The following CDH12 variants were observed in gnomAD, a reference collection of about 807,000 sequenced individuals.
CDH12 encodes the protein cadherin 12, also known as cadherin-12.
In CDH12, 41 loss-of-function variants were observed where a neutral mutation model predicts 74.1. The observed-to-expected ratio is 0.55, with a 90% CI of 0.43 to 0.72. CDH12 has a LOEUF of 0.72. Among genes scored for constraint, CDH12 ranks in the 30% least tolerant of loss-of-function variants. The pLI is 0.00. For missense variants in CDH12, 945 were observed against 977.2 expected (o/e 0.97, Z 0.44); for synonymous variants, 399 against 355.0 (o/e 1.12, Z -1.39).
At chr5:22,590,136 A>T (rs1422149856) in intron 1 of CDH12, among the ~76,000 whole-genome samples, 1 of 152,142 alleles carries the variant, frequency 6.6e-6, no homozygotes. Flanking sequence ...CCCCTTTTGG[A>T]TAATGTACCT....
intron 11 of CDH12, among the ~76,000 whole-genome samples, chr5:21,773,892 G>T (rs1221736326): frequency 1.3e-5 from 2 of 151,962 alleles, no homozygotes; most frequent in African/African-American, 4.8e-5. Flanking sequence ...TTATATAATA[G>T]CATTTAGGTT....
intron 3 of CDH12, among the ~76,000 whole-genome samples, chr5:22,389,669 G>A (rs1159649212): frequency 7.8e-6 from 1 of 128,960 alleles, no homozygotes; most frequent in Non-Finnish European, 1.6e-5. Flanking sequence ...TTTTTTTTGA[G>A]ACAGAGTCTC....
intron 3 of CDH12, among the ~76,000 whole-genome samples, chr5:22,236,446 C>CA (rs1752561073): frequency 1.3e-5 from 2 of 151,940 alleles, no homozygotes; most frequent in African/African-American, 4.8e-5. Context: ...AGAACTAAAA[C>CA]ACAAGGCCAG....
At chr5:22,321,998 C>G (rs909586680) in intron 3 of CDH12, among the ~76,000 whole-genome samples, 1 of 152,174 alleles carries the variant, frequency 6.6e-6, no homozygotes, top group East Asian at 1.9e-4. Context: ...TCATAAATAG[C>G]AAATTCGTTA....
chr5:22,419,317 C>T lies in CDH12; in HGVS notation c.-427-13966G>A, dbSNP rs776045575. Among the ~76,000 whole-genome samples the T allele has an allele frequency of 6.6e-5, 10 of 152,230 alleles. No individual in the cohort carries two copies. The East Asian group carries it at 1.4e-3, about 21-fold the overall frequency. The stretch of plus-strand genomic sequence containing the variant: ...GATGATCTCCCTTCCCCTGCACCCC[C>T]TGACAGGCCCCAGTGTGTGTTGTTC... On this transcript the variant is annotated intron_variant, in intron 2 of 14. Coordinates refer to ENST00000382254, the MANE Select transcript of CDH12 (RefSeq NM_004061.5).
At chr5:22,118,584 A>T (rs1745309832) in intron 4 of CDH12, among the ~76,000 whole-genome samples, 1 of 152,010 alleles carries the variant, frequency 6.6e-6, no homozygotes, top group Non-Finnish European at 1.5e-5. Context: ...TGTGAAAGGT[A>T]TATACCTTTC....
intron 1 of CDH12, among the ~76,000 whole-genome samples, chr5:22,746,177 A>G (rs1745288124): frequency 6.6e-6 from 1 of 152,224 alleles, no homozygotes. Context: ...TAGAAGTTGT[A>G]TCTCTGCTGA....
intron 4 of CDH12, among the ~76,000 whole-genome samples, chr5:22,210,698 C>G (rs1443936504): frequency 6.6e-6 from 1 of 151,866 alleles, no homozygotes; most frequent in Admixed American, 6.6e-5. Flanking sequence ...CAAAAAAGTT[C>G]ATTGGGTCTG....
chr5:22,384,194 A>G (rs1741888797), intron 3 of CDH12, among the ~76,000 whole-genome samples: 1 of 152,102 alleles, frequency 6.6e-6, no homozygotes, highest in Admixed American at 6.6e-5. Context: ...TAGTGCATCT[A>G]TCTAGCCTAG....
intron 1 of CDH12, among the ~76,000 whole-genome samples, chr5:22,557,890 C>T (rs1216676651): frequency 1.3e-5 from 2 of 151,916 alleles, no homozygotes; most frequent in African/African-American, 2.4e-5. Flanking sequence ...GAATGTGTAA[C>T]GTTTTATTAT....
At chr5:22,631,652 A>G (rs1276673063) in intron 1 of CDH12, among the ~76,000 whole-genome samples, 1 of 152,146 alleles carries the variant, frequency 6.6e-6, no homozygotes, top group Non-Finnish European at 1.5e-5. Flanking sequence ...GAGACTGGGT[A>G]ACTTATAAAA....
At chr5:22,183,550 G>A (rs1168388814) in intron 4 of CDH12, among the ~76,000 whole-genome samples, 7 of 152,120 alleles carry the variant, frequency 4.6e-5, no homozygotes, top group Admixed American at 6.5e-5. Flanking sequence ...AAGAAAGCAC[G>A]TGGAAACGGG....
At chr5:22,679,750 A>G (rs1398643351) in intron 1 of CDH12, among the ~76,000 whole-genome samples, 1 of 152,122 alleles carries the variant, frequency 6.6e-6, no homozygotes, top group Non-Finnish European at 1.5e-5. Context: ...ATGGGAATTT[A>G]TTATGTACAT....
intron 6 of CDH12, among the ~76,000 whole-genome samples, chr5:21,950,507 T>C (rs999692863): frequency 6.6e-6 from 1 of 151,528 alleles, no homozygotes; most frequent in Non-Finnish European, 1.5e-5. Context: ...AAAAGGCCTA[T>C]AGAAACCAAC....
chr5:22,218,341 C>T (rs1034527959), intron 3 of CDH12, among the ~76,000 whole-genome samples: 2 of 151,610 alleles, frequency 1.3e-5, no homozygotes, highest in South Asian at 4.2e-4. Flanking sequence ...AAAAAAAGTC[C>T]GTCAACAGGT....
chr5:21,852,427 A>G (rs1302160767), intron 7 of CDH12, among the ~76,000 whole-genome samples: 1 of 151,442 alleles, frequency 6.6e-6, no homozygotes, highest in Non-Finnish European at 1.5e-5. Context: ...TTTTAAACAT[A>G]CTAGAATAGG....
At chr5:22,207,870 T>C (rs1410881534) in intron 4 of CDH12, among the ~76,000 whole-genome samples, 1 of 152,150 alleles carries the variant, frequency 6.6e-6, no homozygotes, top group African/African-American at 2.4e-5. Context: ...TAATTTTTGC[T>C]ACTTTACAGG....
chr5:22,369,965 C>A (rs1433245249), intron 3 of CDH12, among the ~76,000 whole-genome samples: 1 of 152,056 alleles, frequency 6.6e-6, no homozygotes, highest in Non-Finnish European at 1.5e-5. Context: ...AGAAAAATCA[C>A]CTCAAAAATT....
At chr5:22,273,090 C>T (rs1736473510) in intron 3 of CDH12, among the ~76,000 whole-genome samples, 1 of 152,046 alleles carries the variant, frequency 6.6e-6, no homozygotes, top group South Asian at 2.1e-4. Flanking sequence ...GAGGTCCCTC[C>T]CCCAACATGT....
Sources: gnomAD v4.1 joint callset for allele counts (sites outside exome capture counted in the v4.1 genomes callset) on GRCh38, gnomAD v4.1.1 for gene constraint, MANE v1.5 for transcripts, NCBI Gene and HGNC (gene_info 2026-07-23, HGNC 2026-07-21) for gene names.